The following ZNF280C variants were observed in gnomAD, a reference collection of about 807,000 sequenced individuals.
The protein encoded by ZNF280C is zinc finger protein 280C.
Under a neutral mutation model 53.6 loss-of-function variants are expected in ZNF280C, and 14 were observed. The ratio of observed to expected loss-of-function variants is 0.26; its 90% CI spans 0.17 to 0.41. ZNF280C has a LOEUF of 0.41. Ranked by LOEUF, ZNF280C falls within the 10% of genes least tolerant of loss-of-function variation. The pLI is 1.00. For synonymous variants in ZNF280C, 203 were observed against 181.1 expected, an observed-to-expected ratio of 1.12 and a Z score of -0.97; for missense variants, 416 against 547.1, an observed-to-expected ratio of 0.76 and a Z score of 2.39.
chrX:130,213,675 T>C (rs2032068355), intron 15 of ZNF280C, among the ~76,000 whole-genome samples: 1 of 111,634 alleles, frequency 9.0e-6, no homozygotes, highest in Non-Finnish European at 1.9e-5. Flanking sequence ...CTGAAAGTCA[T>C]GGGGTAATGA....
At chrX:130,260,561 C>G (rs1171009099) in intron 1 of ZNF280C, 96 bp from the exon 2 acceptor site, 2 of 626,177 alleles carry the variant, frequency 3.2e-6, no homozygotes, top group Non-Finnish European at 4.7e-6. Flanking sequence ...ATCTTTGGGT[C>G]TAATTTTGAT....
At position 130,222,405 on chromosome X, in the gene ZNF280C, A is replaced by G. The variant is rs1471434806; in HGVS notation, c.1396-1925T>C. On this transcript the variant is annotated intron_variant, in intron 12 of 18. Coordinates refer to ENST00000370978, the MANE Select transcript of ZNF280C (RefSeq NM_017666.5). The stretch of plus-strand genomic sequence containing the variant: ...CTTACTTCTGTATCCCCAGTACCTA[A>G]AACAGTCCTTGGCATATATTAGGCA... Among the ~76,000 whole-genome samples, 4 of 110,182 alleles carry G rather than the reference A, an allele frequency of 3.6e-5. No homozygotes were observed. In the East Asian group the frequency reaches 1.1e-3, roughly 31 times the overall value.
chrX:130,263,530 G>C (rs192260253), intron 1 of ZNF280C, among the ~76,000 whole-genome samples: 108 of 111,781 alleles, frequency 9.7e-4, no homozygotes, highest in African/African-American at 3.3e-3. Flanking sequence ...AAGTAGAGTA[G>C]AGGCTGCATA....
intron 2 of ZNF280C, among the ~76,000 whole-genome samples, chrX:130,249,445 C>A (rs967626305): frequency 8.9e-6 from 1 of 112,062 alleles, no homozygotes; most frequent in African/African-American, 3.2e-5. Flanking sequence ...CCACGAGCAC[C>A]TCAGTCCCCC....
At chrX:130,246,176 C>A (rs2032448274) in intron 3 of ZNF280C, among the ~76,000 whole-genome samples, 2 of 112,474 alleles carry the variant, frequency 1.8e-5, no homozygotes, top group South Asian at 7.3e-4. Context: ...AGGTACTGGA[C>A]ATGTTTTGCT....
intron 15 of ZNF280C, among the ~76,000 whole-genome samples, chrX:130,211,315 GA>G (rs1303516273): frequency 8.9e-6 from 1 of 112,260 alleles, no homozygotes; most frequent in Non-Finnish European, 1.9e-5. Context: ...GAAACGAGAG[GA>G]AGGAGAGGGG....
At chrX:130,251,132 C>T (rs2032502908) in intron 2 of ZNF280C, among the ~76,000 whole-genome samples, 1 of 106,822 alleles carries the variant, frequency 9.4e-6, no homozygotes, top group Admixed American at 1.0e-4. Context: ...TAAAGAACAG[C>T]TTAGCCAGGC....
At chrX:130,211,911 A>C (rs2032045291) in intron 15 of ZNF280C, among the ~76,000 whole-genome samples, 1 of 112,111 alleles carries the variant, frequency 8.9e-6, no homozygotes, top group African/African-American at 3.2e-5. Flanking sequence ...TTAGTGGCAG[A>C]ATTAAAGCCT....
chrX:130,244,568 G>C (rs1342122181), intron 3 of ZNF280C, among the ~76,000 whole-genome samples: 1 of 110,029 alleles, frequency 9.1e-6, no homozygotes, highest in East Asian at 2.9e-4. Context: ...ATGAGGTCAG[G>C]AGATCGAGAC....
Position 130,238,612 on chromosome X carries a change from T to C in ZNF280C, c.493+970A>G, listed in dbSNP as rs755598170. ...TTTGGAAGCTTCAAGAATTCAGACT[T>C]TTTCCATGAATAAAGATCATGTGCT... On this transcript the variant is annotated intron_variant, in intron 6 of 18. Coordinates refer to ENST00000370978, the MANE Select transcript of ZNF280C (RefSeq NM_017666.5). Among the ~76,000 whole-genome samples the C allele has an allele frequency of 3.6e-5, 4 of 111,284 alleles. No individual in the cohort carries two copies. In the South Asian group the frequency reaches 1.5e-3, roughly 42 times the overall value.
rs1326018425 is a variant in ZNF280C at position 130,250,661 on chromosome X, TG to T, written c.32-3657del. Among the ~76,000 whole-genome samples, 11 of 111,620 alleles carry T rather than the reference TG, an allele frequency of 9.9e-5. No individual in the cohort carries two copies. The Admixed American group carries it at 1.0e-3, about 11-fold the overall frequency. On this transcript the variant is annotated intron_variant, in intron 2 of 18. Transcript: ENST00000370978. ...AAAGAGCCTACCAATCAAAAAAAGG[TG>T]AGAACCAGATGGATTCACACTTGAA...
intron 1 of ZNF280C, among the ~76,000 whole-genome samples, chrX:130,268,017 AG>A (rs1269117576): frequency 8.9e-6 from 1 of 112,019 alleles, no homozygotes; most frequent in African/African-American, 3.3e-5. Context: ...TTAAAACCTG[AG>A]AGAAGTTGAA....
At chrX:130,238,623 T>TAAAG (rs930269778) in intron 6 of ZNF280C, among the ~76,000 whole-genome samples, 1 of 111,427 alleles carries the variant, frequency 9.0e-6, no homozygotes, top group Non-Finnish European at 1.9e-5. Context: ...TTTCCATGAA[T>TAAAG]AAAGATCATG....
At chrX:130,264,530 T>C (rs209208) in intron 1 of ZNF280C, among the ~76,000 whole-genome samples, 55,397 of 109,804 alleles carry the variant, frequency 0.5, 10,917 homozygotes, top group African/African-American at 0.73. Context: ...CTGGGGATTC[T>C]CTGGGTGACC....
chrX:130,216,205 A>G, intron 13 of ZNF280C, 104 bp from the exon 14 acceptor site: 1 of 771,454 alleles, frequency 1.3e-6, no homozygotes, highest in Non-Finnish European at 1.8e-6. Context: ...TAAACTGGCA[A>G]GGGTCCCAAA....
At chrX:130,223,337 C>A (rs904794951) in intron 12 of ZNF280C, among the ~76,000 whole-genome samples, 1 of 112,330 alleles carries the variant, frequency 8.9e-6, no homozygotes, top group Non-Finnish European at 1.9e-5. Flanking sequence ...GGATTACAGG[C>A]ATGAGCCACT....
intron 12 of ZNF280C, among the ~76,000 whole-genome samples, chrX:130,221,333 AG>A (rs1399808612): frequency 8.9e-6 from 1 of 111,890 alleles, no homozygotes; most frequent in African/African-American, 3.2e-5. Flanking sequence ...GATGATGGAT[AG>A]AATGTTCCCG....
At chrX:130,254,769 G>A (rs1251939683) in intron 2 of ZNF280C, among the ~76,000 whole-genome samples, 2 of 110,803 alleles carry the variant, frequency 1.8e-5, no homozygotes, top group Non-Finnish European at 3.8e-5. Context: ...AGGGTGGAGG[G>A]TGGGAGGAGG....
At chrX:130,214,934 A>G (rs180716300) in intron 15 of ZNF280C, among the ~76,000 whole-genome samples, 1 of 112,060 alleles carries the variant, frequency 8.9e-6, no homozygotes, top group Non-Finnish European at 1.9e-5. Flanking sequence ...AAAGAAAAAA[A>G]AGTCCCATAG....
Sources: gnomAD v4.1 joint callset for allele counts (sites outside exome capture counted in the v4.1 genomes callset) on GRCh38, gnomAD v4.1.1 for gene constraint, MANE v1.5 for transcripts, NCBI Gene and HGNC (gene_info 2026-07-23, HGNC 2026-07-21) for gene names.